The following SENP1 variants were observed in gnomAD, a reference collection of about 807,000 sequenced individuals.
The protein encoded by SENP1 is SUMO specific peptidase 1.
SENP1 carries 21 observed loss-of-function variants against 93.0 expected under a neutral mutation model. That is an observed-to-expected ratio of 0.23 (90% confidence interval 0.16 to 0.33). The LOEUF is 0.33. Ranked by LOEUF, SENP1 falls within the 10% of genes least tolerant of loss-of-function variation. The pLI is 1.00. For synonymous variants in SENP1, 256 were observed against 259.6 expected (o/e 0.99, Z 0.13); for missense variants, 591 against 758.7 (o/e 0.78, Z 2.60).
In SENP1 at chr12:48,087,913, T is replaced by TA. The variant is rs1423072205; in HGVS notation, c.380+887dup. Among the ~76,000 whole-genome samples, 7 of 152,344 alleles carry TA rather than the reference T, an allele frequency of 4.6e-5. No individual in the cohort carries two copies. In the South Asian group the frequency reaches 1.2e-3, roughly 27 times the overall value. Reference sequence around the variant, plus strand: ...ACTATTTTAAAAAAGAAATGTTTACTAATATAATAAATACTAATATAACAA... The same window carrying TA: ...ACTATTTTAAAAAAGAAATGTTTACTAAATATAATAAATACTAATATAACAA... On this transcript the variant is annotated intron_variant, in intron 5 of 17. Transcript: ENST00000549518.
At chr12:48,059,575 T>G (rs550002520) in intron 13 of SENP1, among the ~76,000 whole-genome samples, 1 of 152,252 alleles carries the variant, frequency 6.6e-6, no homozygotes, top group South Asian at 2.1e-4. Context: ...CATTTCTGAG[T>G]GTTTCTTTTC....
chr12:48,103,176 A>G (rs1309577205), intron 1 of SENP1, among the ~76,000 whole-genome samples: 4 of 152,208 alleles, frequency 2.6e-5, no homozygotes, highest in African/African-American at 7.2e-5. Context: ...TTGGTGCCCA[A>G]CAGAATAATC....
At chr12:48,071,876 C>T (rs1300446547) in intron 8 of SENP1, among the ~76,000 whole-genome samples, 155 bp from the exon 9 acceptor site, 1 of 152,118 alleles carries the variant, frequency 6.6e-6, no homozygotes, top group Non-Finnish European at 1.5e-5. Context: ...GAGGCAAGTC[C>T]ATTGTCACTG....
At chr12:48,048,850 G>T in intron 14 of SENP1, 79 bp downstream of exon 14, 2 of 1,043,504 alleles carry the variant, frequency 1.9e-6, no homozygotes, top group Non-Finnish European at 2.9e-6. Context: ...GGAACATGTA[G>T]AACTACTACT....
Position 48,065,657 on chromosome 12 carries a change from G to T in SENP1, c.1058C>A (p.Ala353Glu). The change falls in exon 11 of 18, where the codon GCA becomes GAA. Residue 353 changes from alanine (A) to glutamate (E), a missense_variant. Around this residue, in one of 4 missense-constraint regions of SENP1, gnomAD observed 238 missense variants for 259.1 expected, o/e 0.92. Transcript: ENST00000549518. ...TTCAATCTGGCGCAATCTTTCTCGT[G>T]CTCGAGAATCATAAACACTAGTTCT... Reference protein sequence around the residue: ...KELTSVYDSRARERLRQIEEQ... With the variant: ...KELTSVYDSRERERLRQIEEQ... The T allele has an allele frequency of 6.4e-7, 1 of 1,559,770 alleles. No individual in the cohort carries two copies. Among genetic ancestry groups the T allele is most frequent in the Admixed American group, 1.9e-5 (1 of 52,386 alleles).
Position 48,088,810 on chromosome 12 carries a change from T to G in SENP1, c.371A>C (p.Lys124Thr). 1 of 1,609,712 alleles carries G rather than the reference T, an allele frequency of 6.2e-7. No individual in the cohort carries two copies. The highest frequency in any genetic ancestry group is 8.5e-7 in the Non-Finnish European group (1 of 1,177,900). ...NSRSLYLETR[K>T]TSSGLSNSFA... ...ATGACAAAATACGAACCTTGAGGTC[T>G]TTCGGGTTTCGAGGTAAAGACTTCG... The change falls in exon 5 of 18, where the codon AAG (lysine) becomes ACG (threonine). Residue 124 changes from lysine (K) to threonine (T), a missense_variant. Physicochemically the swap from Lys to Thr is moderately conservative, Grantham distance 78. Coordinates refer to ENST00000549518, the MANE Select transcript of SENP1 (RefSeq NM_001267594.2).
At chr12:48,083,962 C>T (rs1944660296) in intron 5 of SENP1, among the ~76,000 whole-genome samples, 200 bp from the exon 6 acceptor site, 1 of 152,166 alleles carries the variant, frequency 6.6e-6, no homozygotes, top group South Asian at 2.1e-4. Context: ...CTTAAAAGAT[C>T]TTACATTGTC....
intron 6 of SENP1, among the ~76,000 whole-genome samples, chr12:48,076,642 GCT>G (rs1491230977): frequency 2.1e-5 from 3 of 144,650 alleles, no homozygotes; most frequent in South Asian, 2.2e-4. Context: ...TGTAGTTTTT[GCT>G]TTTTTTTTTT....
intron 1 of SENP1, among the ~76,000 whole-genome samples, chr12:48,104,283 GGAGA>G (rs1183383852): frequency 2.6e-4 from 29 of 111,072 alleles, no homozygotes; most frequent in South Asian, 1.4e-3. Flanking sequence ...GCGGAGGGAG[GGAGA>G]GAGAGAGAGA....
intron 1 of SENP1, among the ~76,000 whole-genome samples, chr12:48,104,852 T>C (rs530020624): frequency 6.6e-6 from 1 of 152,256 alleles, no homozygotes; most frequent in South Asian, 2.1e-4. Flanking sequence ...ATCTTTGCAG[T>C]TGGGATAATT....
chr12:48,085,275 G>C (rs1944778614), intron 5 of SENP1: 1 of 1,553,712 alleles, frequency 6.4e-7, no homozygotes, highest in Non-Finnish European at 8.9e-7. Context: ...GTACATCGCA[G>C]AGATGGTGCA....
intron 8 of SENP1, among the ~76,000 whole-genome samples, 178 bp from the exon 9 acceptor site, chr12:48,071,899 G>C (rs1943732481): frequency 6.6e-6 from 1 of 152,170 alleles, no homozygotes; most frequent in Non-Finnish European, 1.5e-5. Context: ...AACAGAAATA[G>C]GTCTTAGTGA....
chr12:48,078,317 T>TTATATATATATATATATATATA (rs370021236), intron 6 of SENP1, among the ~76,000 whole-genome samples: 4,920 of 70,090 alleles, frequency 0.07, 628 homozygotes, highest in Non-Finnish European at 0.094. Flanking sequence ...CTGTAGGATT[T>TTATATATATATATATATATATA]TATATATATA....
intron 13 of SENP1, among the ~76,000 whole-genome samples, chr12:48,056,336 T>A (rs1942334033): frequency 1.2e-5 from 1 of 82,640 alleles, no homozygotes; most frequent in South Asian, 3.8e-4. Flanking sequence ...AAATATTATT[T>A]AATATATTAC....
chr12:48,046,324 T>C (rs779787604), intron 17 of SENP1, 32 bp downstream of exon 17: 1 of 1,468,014 alleles, frequency 6.8e-7, no homozygotes. Context: ...GACAAAGTAA[T>C]CCTAGAGCTC....
chr12:48,093,013 C>T (rs1945310411), intron 4 of SENP1, among the ~76,000 whole-genome samples: 1 of 152,050 alleles, frequency 6.6e-6, no homozygotes, highest in African/African-American at 2.4e-5. Flanking sequence ...AATAATGAAG[C>T]AAATGAAGGC....
chr12:48,057,379 GCCA>G (rs1261843602), intron 13 of SENP1, among the ~76,000 whole-genome samples: 1 of 147,172 alleles, frequency 6.8e-6, no homozygotes, highest in Non-Finnish European at 1.5e-5. Flanking sequence ...ACAGGCGCCT[GCCA>G]CCACACCTGG....
chr12:48,089,217 C>G (rs865833538), intron 4 of SENP1: 1 of 1,472,924 alleles, frequency 6.8e-7, no homozygotes, highest in Non-Finnish European at 9.1e-7. Context: ...TTATCTGCAT[C>G]AATGTGACTC....
chr12:48,103,395 C>A (rs1309918038), intron 1 of SENP1, among the ~76,000 whole-genome samples: 2 of 152,202 alleles, frequency 1.3e-5, no homozygotes, highest in Non-Finnish European at 2.9e-5. Context: ...TCCTTTAACA[C>A]AACCTCAAAG....
Sources: allele counts gnomAD v4.1 joint callset (sites outside exome capture counted in the v4.1 genomes callset), GRCh38; gene constraint gnomAD v4.1.1; regional missense constraint gnomAD v4.1.1; transcripts MANE v1.5; gene names NCBI Gene and HGNC (gene_info 2026-07-23, HGNC 2026-07-21).